The following GREB1 variants were observed in gnomAD, a reference collection of about 807,000 sequenced individuals.
GREB1 encodes protein GREB1.
Under a neutral mutation model 200.7 loss-of-function variants are expected in GREB1, and 106 were observed. The observed-to-expected ratio is 0.53, with a 90% CI of 0.45 to 0.62. The LOEUF (loss-of-function observed/expected upper bound fraction) is 0.62. GREB1 is among the 20% of genes least tolerant of loss of function. The pLI, the probability that GREB1 is intolerant of heterozygous loss-of-function variation, is 0.00. For synonymous variants in GREB1, 1,132 were observed against 1,092.4 expected, an observed-to-expected ratio of 1.04 and a Z score of -0.72; for missense variants, 2,243 against 2,556.8, an observed-to-expected ratio of 0.88 and a Z score of 2.65.
intron 1 of GREB1, among the ~76,000 whole-genome samples, chr2:11,506,917 C>T (rs1027212786): frequency 6.6e-6 from 1 of 151,058 alleles, no homozygotes; most frequent in African/African-American, 2.4e-5. Context: ...AAGGTTCCAC[C>T]CACGTTAAAT....
In GREB1 at chr2:11,597,116, G is replaced by C. The variant is rs139685104; in HGVS notation, c.1955-665G>C. On this transcript the variant is annotated intron_variant, in intron 13 of 32. Coordinates refer to ENST00000381486, the MANE Select transcript of GREB1 (RefSeq NM_014668.4). This position sits in a 1 kb window ranked among gnomAD's most constrained non-coding sequence, Gnocchi z 4.1. ...GGGGACAGAGGGCTCATGTGTGCTC[G>C]GTGGGCGATGAGAGGGCACTGGCGA... 1.5e-3 allele frequency among the ~76,000 whole-genome samples: 231 copies of C among 152,114 alleles called. 1 individual carries two copies. The highest frequency in any genetic ancestry group is 5.2e-3 in the African/African-American group (217 of 41,454).
chr2:11,531,230 A>G (rs1039035499), upstream of GREB1, among the ~76,000 whole-genome samples: 1 of 152,110 alleles, frequency 6.6e-6, no homozygotes, highest in African/African-American at 2.4e-5. Context: ...TGACGCATAC[A>G]AGCAGATGTT....
chr2:11,558,546 C>T (rs933367462), intron 2 of GREB1, among the ~76,000 whole-genome samples: 9 of 152,230 alleles, frequency 5.9e-5, no homozygotes, highest in Middle Eastern at 3.4e-3. Flanking sequence ...CCCATTTGTC[C>T]GACAAACAGA....
chr2:11,504,202 C>G (rs1673119217), intron 1 of GREB1, among the ~76,000 whole-genome samples: 2 of 152,130 alleles, frequency 1.3e-5, no homozygotes, highest in South Asian at 4.1e-4. Flanking sequence ...TGTGGACACT[C>G]TGGACAAAGG....
intron 1 of GREB1, among the ~76,000 whole-genome samples, chr2:11,484,931 C>A (rs570536807): frequency 2.6e-4 from 40 of 152,332 alleles, no homozygotes; most frequent in Admixed American, 2.4e-3. Flanking sequence ...CTGCAAGCTC[C>A]GCCTCCCGGG....
At chr2:11,552,855 C>A (rs1346078191) in intron 1 of GREB1, among the ~76,000 whole-genome samples, 3 of 151,818 alleles carry the variant, frequency 2.0e-5, no homozygotes, top group African/African-American at 4.8e-5. Context: ...ACTAAAAATA[C>A]AAAAATTAGC....
chr2:11,503,174 C>A (rs988379417), intron 1 of GREB1, among the ~76,000 whole-genome samples: 8 of 152,186 alleles, frequency 5.3e-5, no homozygotes, highest in Non-Finnish European at 2.9e-5. Flanking sequence ...AAGAAACGTT[C>A]CTGATGAGGG....
intron 1 of GREB1, among the ~76,000 whole-genome samples, chr2:11,499,987 CT>C (rs1008344792): frequency 5.8e-4 from 84 of 143,752 alleles, no homozygotes; most frequent in Middle Eastern, 3.8e-3. Context: ...GTAAAGTATA[CT>C]TTTTTTTTTT....
intron 2 of GREB1, among the ~76,000 whole-genome samples, chr2:11,560,572 G>A (rs1166970423): frequency 6.6e-6 from 1 of 152,030 alleles, no homozygotes; most frequent in Non-Finnish European, 1.5e-5. Flanking sequence ...GTAATGGTAG[G>A]TGCCTGTAAT....
intron 1 of GREB1, among the ~76,000 whole-genome samples, chr2:11,485,301 C>T (rs939752815): frequency 4.4e-5 from 6 of 137,860 alleles, no homozygotes; most frequent in Non-Finnish European, 7.7e-5. Flanking sequence ...GAGACAGAGT[C>T]TTGCTCTTTT....
intron 1 of GREB1, among the ~76,000 whole-genome samples, chr2:11,549,156 C>A (rs911820682): frequency 6.6e-6 from 1 of 152,036 alleles, no homozygotes; most frequent in Non-Finnish European, 1.5e-5. Context: ...GAAAAATATT[C>A]TTTGGGAATC....
intron 1 of GREB1, among the ~76,000 whole-genome samples, chr2:11,527,120 G>T (rs1388384876): frequency 6.6e-6 from 1 of 152,114 alleles, no homozygotes; most frequent in Admixed American, 6.5e-5. Context: ...CACTTGGACA[G>T]CAGAGCCATG....
intron 19 of GREB1, among the ~76,000 whole-genome samples, chr2:11,613,312 T>A (rs1159798145): frequency 6.6e-6 from 1 of 152,168 alleles, no homozygotes; most frequent in Non-Finnish European, 1.5e-5. Flanking sequence ...AGAGACTTCA[T>A]ACCGGTGGAG....
intron 1 of GREB1, among the ~76,000 whole-genome samples, chr2:11,521,753 C>T (rs979494889): frequency 6.6e-6 from 1 of 152,174 alleles, no homozygotes; most frequent in African/African-American, 2.4e-5. Context: ...TTGCAAAATG[C>T]TAATAACGCA....
In GREB1 at chr2:11,642,298, T is replaced by G. The variant is rs1685860796; in HGVS notation, c.*1844T>G. On this transcript the variant is annotated 3_prime_UTR_variant, in exon 33 of 33. Transcript: ENST00000381486. ...CATGCCCAGCTAATTTTTGTATTTT[T>G]TTTTTTTAGTAGAGATGGGGTTTCG... The G allele has an allele frequency of 6.6e-6, 1 of 151,974 alleles. No homozygotes were observed. Among genetic ancestry groups the G allele is most frequent in the Non-Finnish European group, 1.5e-5 (1 of 67,994 alleles). The allele number at this position is 151,974 out of a possible 1,614,324, so 9.4% of individuals were successfully genotyped here.
chr2:11,534,531 C>G (rs563337494), intron 1 of GREB1, among the ~76,000 whole-genome samples: 3 of 152,152 alleles, frequency 2.0e-5, no homozygotes, highest in Admixed American at 1.3e-4. Flanking sequence ...AAGTGGGGAG[C>G]GTGCGGCTTT....
At position 11,492,764 on chromosome 2, in the gene GREB1, G is replaced by C. The variant is rs1457373463; in HGVS notation, c.-159+10383G>C. Reference sequence around the variant, plus strand: ...ACTCACACTGAAGGCCTCCTGGGGAGGGAACTGCAATGAGAAGGTGACCCC... The same window carrying C: ...ACTCACACTGAAGGCCTCCTGGGGACGGAACTGCAATGAGAAGGTGACCCC... On this transcript the variant is annotated intron_variant, in intron 1 of 2. Transcript: ENST00000628795. The surrounding 1 kb of genome is among the most constrained non-coding windows in gnomAD (Gnocchi z 4.0). 2.6e-5 allele frequency among the ~76,000 whole-genome samples: 4 copies of C among 152,242 alleles called. No individual in the cohort carries two copies. Among genetic ancestry groups the C allele is most frequent in the South Asian group, 4.1e-4 (2 of 4,836 alleles).
chr2:11,614,116 C>T (rs921567174), intron 19 of GREB1, among the ~76,000 whole-genome samples: 4 of 144,908 alleles, frequency 2.8e-5, no homozygotes, highest in African/African-American at 5.3e-5. Context: ...TTTATCACAG[C>T]GGACTTAGAT....
rs572054268 is a variant in GREB1, at chr2:11,555,099, G to A, written c.-161-1355G>A. ...ATAACGTATAGCCTTAAATGTCTTC[G>A]TTGTTAATGAAGATGAAAACTAAAG... On this transcript the variant is annotated intron_variant, in intron 1 of 32. Transcript: ENST00000381486. Among the ~76,000 whole-genome samples the A allele has an allele frequency of 1.2e-4, 18 of 152,220 alleles. No homozygotes were observed. In the South Asian group the frequency reaches 3.3e-3, roughly 28 times the overall value.
Sources: gnomAD v4.1 joint callset for allele counts (sites outside exome capture counted in the v4.1 genomes callset) on GRCh38, gnomAD v4.1.1 for gene constraint, Gnocchi (gnomAD v3.1) non-coding constraint, MANE v1.5 for transcripts, NCBI Gene and HGNC (gene_info 2026-07-23, HGNC 2026-07-21) for gene names.